ZNF474: variants seen among roughly 807,000 people sequenced by gnomAD.
ZNF474 encodes 4933409D10Rik.
For missense variants in ZNF474, 511 were observed against 433.8 expected (o/e 1.18, Z -1.58); for synonymous variants, 192 against 162.2 (o/e 1.18, Z -1.39).
intron 1 of ZNF474, among the ~76,000 whole-genome samples, chr5:122,147,611 G>A (rs1449956488): frequency 1.3e-5 from 2 of 150,240 alleles, no homozygotes; most frequent in East Asian, 2.0e-4. Context: ...ACTTATGAGT[G>A]TGAACATGAG....
chr5:122,134,958 A>G (rs576033159), intron 1 of ZNF474, among the ~76,000 whole-genome samples: 2 of 152,362 alleles, frequency 1.3e-5, no homozygotes, highest in South Asian at 2.1e-4. Context: ...ATTGAGTAAG[A>G]TCTCAAAAGC....
intron 1 of ZNF474, among the ~76,000 whole-genome samples, chr5:122,143,013 C>T (rs1019301774): frequency 1.3e-5 from 2 of 152,024 alleles, no homozygotes; most frequent in South Asian, 2.1e-4. Context: ...GGGTGGAGAG[C>T]GCATTATTAA....
At chr5:122,141,973 G>T (rs1755858822) in intron 1 of ZNF474, among the ~76,000 whole-genome samples, 1 of 152,160 alleles carries the variant, frequency 6.6e-6, no homozygotes, top group African/African-American at 2.4e-5. Context: ...CACTTCTAAT[G>T]CTGCTTTCTC....
At position 122,152,426 on chromosome 5, in the gene ZNF474, G is replaced by A. The variant is rs762025156; in HGVS notation, c.436G>A (p.Gly146Arg). The change falls in exon 2 of 2, where the codon GGG becomes AGG. Residue 146 changes from glycine (G) to arginine (R), a missense_variant. Physicochemically the swap from Gly to Arg is moderately radical, Grantham distance 125. Transcript: ENST00000296600. ...CAAACCACAGTCTCTCAGCAGCAGT[G>A]GGTCCTACAGTCTTCAGGCAACTAA... ...PSKPQSLSSS[G>R]SYSLQATNEA... The A allele has an allele frequency of 3.0e-5, 48 of 1,614,070 alleles. No individual in the cohort carries two copies. The highest frequency in any genetic ancestry group is 3.6e-5 in the Non-Finnish European group (43 of 1,180,038).
intron 1 of ZNF474, among the ~76,000 whole-genome samples, chr5:122,133,766 G>C (rs1202012645): frequency 6.6e-6 from 1 of 152,100 alleles, no homozygotes; most frequent in East Asian, 1.9e-4. Flanking sequence ...TTACTATGTT[G>C]CCCAAGGTGA....
At chr5:122,149,932 A>T (rs1756121121) in intron 1 of ZNF474, among the ~76,000 whole-genome samples, 1 of 149,756 alleles carries the variant, frequency 6.7e-6, no homozygotes, top group African/African-American at 2.5e-5. Context: ...AGAGAGAGAG[A>T]GAGAGAGAGG....
chr5:122,139,638 A>G (rs544163561), intron 1 of ZNF474, among the ~76,000 whole-genome samples: 1 of 152,328 alleles, frequency 6.6e-6, no homozygotes, highest in Admixed American at 6.5e-5. Flanking sequence ...TTGAAAAACT[A>G]GAAAACAAGG....
chr5:122,141,228 G>A (rs1042876381), intron 1 of ZNF474, among the ~76,000 whole-genome samples: 1 of 148,508 alleles, frequency 6.7e-6, no homozygotes, highest in African/African-American at 2.5e-5. Context: ...TCAGCTCACA[G>A]CAGCCTCCAG....
chr5:122,148,477 T>G (rs557692977), intron 1 of ZNF474, among the ~76,000 whole-genome samples: 10 of 152,204 alleles, frequency 6.6e-5, no homozygotes, highest in Non-Finnish European at 1.3e-4. Context: ...CCTAATCAAA[T>G]GGTGACATGG....
At chr5:122,146,816 C>A (rs1379945051) in intron 1 of ZNF474, among the ~76,000 whole-genome samples, 1 of 152,212 alleles carries the variant, frequency 6.6e-6, no homozygotes, top group Non-Finnish European at 1.5e-5. Context: ...GAAATCTGTT[C>A]TCAACTGGCT....
Position 122,152,151 on chromosome 5 carries a change from TA to T in ZNF474, c.164del (p.Lys55ArgfsTer12). 1 of 1,614,146 alleles carries T rather than the reference TA, an allele frequency of 6.2e-7. No individual in the cohort carries two copies. Among genetic ancestry groups the T allele is most frequent in the Non-Finnish European group, 8.5e-7 (1 of 1,180,024 alleles). On this transcript the variant is annotated frameshift_variant, in exon 2 of 2. Transcript: ENST00000296600. LOFTEE classifies it low-confidence loss of function (END_TRUNC). ...GAGAGTGTTAATCCTGGTGAAAATA[TA>T]AAGACAGACACTCAGAAAAAGAGAC... is the stretch of plus-strand genomic sequence containing the variant. ...ETESVNPGEN[I>X]KTDTQKKRPG... is the part of the protein sequence containing the mutation.
chr5:122,130,611 G>A (rs963997930), intron 1 of ZNF474, among the ~76,000 whole-genome samples: 2 of 151,888 alleles, frequency 1.3e-5, no homozygotes, highest in African/African-American at 4.8e-5. Flanking sequence ...TTCTAGTTTG[G>A]TCCTCTTATA....
intron 1 of ZNF474, among the ~76,000 whole-genome samples, chr5:122,130,260 A>G (rs971875748): frequency 1.4e-4 from 22 of 152,174 alleles, no homozygotes; most frequent in Non-Finnish European, 3.2e-4. Flanking sequence ...TTTAACAGGT[A>G]TATACAACCA....
chr5:122,142,554 A>G (rs1755873908), intron 1 of ZNF474, among the ~76,000 whole-genome samples: 1 of 152,156 alleles, frequency 6.6e-6, no homozygotes, highest in Non-Finnish European at 1.5e-5. Flanking sequence ...ACAAAGAATG[A>G]ACGTTTCCCC....
At chr5:122,130,062 G>A (rs1755542354) in intron 1 of ZNF474, among the ~76,000 whole-genome samples, 1 of 152,052 alleles carries the variant, frequency 6.6e-6, no homozygotes, top group Admixed American at 6.6e-5. Context: ...AGTAGATGAA[G>A]TCAGGTTTTA....
At position 122,150,479 on chromosome 5, in the gene ZNF474, A is replaced by G. The variant is rs543929900; in HGVS notation, c.-212-1300A>G. 2.6e-5 allele frequency among the ~76,000 whole-genome samples: 4 copies of G among 152,310 alleles called. No individual in the cohort carries two copies. The East Asian group carries it at 7.7e-4, about 29-fold the overall frequency. On this transcript the variant is annotated intron_variant, in intron 1 of 1. Coordinates refer to ENST00000296600, the MANE Select transcript of ZNF474 (RefSeq NM_207317.3). The stretch of plus-strand genomic sequence containing the variant: ...ATCAAATCCAGTGCCCAGGGTTTCC[A>G]TATTACCAGGACTGCTGGCCTTGCA...
Position 122,151,916 on chromosome 5 carries a change from C to T in ZNF474, c.-75C>T. 6.6e-7 allele frequency: 1 copy of T among 1,521,992 alleles called. No homozygotes were observed. Among genetic ancestry groups the T allele is most frequent in the South Asian group, 1.3e-5 (1 of 75,196 alleles). The allele number at this position is 1,521,992 out of a possible 1,614,324, so 94.3% of individuals were successfully genotyped here. A position where few individuals can be genotyped will look rare whatever the true frequency, so the allele number is the denominator to read the frequency against. ...CCCCAGGACAACTAACCTCACTAAC[C>T]TTCACTCTAAGCAGAAGCCCAAAGT... On this transcript the variant is annotated 5_prime_UTR_variant, in exon 2 of 2. Transcript: ENST00000296600.
chr5:122,134,140 G>A (rs915648969), intron 1 of ZNF474, among the ~76,000 whole-genome samples: 4 of 152,156 alleles, frequency 2.6e-5, no homozygotes, highest in South Asian at 2.1e-4. Flanking sequence ...TTACAAACAC[G>A]AAGAAACAAT....
At chr5:122,144,148 C>T (rs558678597) in intron 1 of ZNF474, among the ~76,000 whole-genome samples, 3 of 152,050 alleles carry the variant, frequency 2.0e-5, no homozygotes, top group East Asian at 1.9e-4. Context: ...CCTCCTAGAC[C>T]GAAGCATTTC....
Sources: gnomAD v4.1 joint callset for allele counts (sites outside exome capture counted in the v4.1 genomes callset) on GRCh38, gnomAD v4.1.1 for gene constraint, MANE v1.5 for transcripts, NCBI Gene and HGNC (gene_info 2026-07-23, HGNC 2026-07-21) for gene names.